FAM171A1: variants seen among roughly 807,000 people sequenced by gnomAD.
FAM171A1 encodes protein FAM171A1.
In FAM171A1, 23 loss-of-function variants were observed where a neutral mutation model predicts 74.9. The observed-to-expected ratio is 0.31, with a 90% CI of 0.22 to 0.44. The LOEUF (loss-of-function observed/expected upper bound fraction) is 0.44, where lower values mean the gene tolerates loss of function less well. Among genes scored for constraint, FAM171A1 ranks in the 20% least tolerant of loss-of-function variants. The pLI, the probability that FAM171A1 is intolerant of heterozygous loss-of-function variation, is 1.00. For synonymous variants in FAM171A1, 527 were observed against 505.7 expected (o/e 1.04, Z -0.57); for missense variants, 1,162 against 1,159.2 (o/e 1.00, Z -0.03).
Position 15,214,457 on chromosome 10 carries a change from C to G in FAM171A1, c.1131G>C (p.Leu377=), listed in dbSNP as rs746927485. The stretch of plus-strand genomic sequence containing the variant: ...CGGGGCGGCCGTGGCTGGTGACGGA[C>G]AGCGGGCCAGGGAATTCTGACGCTC... The part of the protein sequence containing the change: ...SRRASEFPGP[L]SVTSHGRPEA... Residue 377 remains leucine (L), a synonymous_variant, in exon 8 of 8, where the codon CTG becomes CTC. Transcript: ENST00000378116. 1 of 1,614,188 alleles carries G rather than the reference C, an allele frequency of 6.2e-7. No individual in the cohort carries two copies. The highest frequency in any genetic ancestry group is 8.5e-7 in the Non-Finnish European group (1 of 1,180,050).
intron 1 of FAM171A1, among the ~76,000 whole-genome samples, chr10:15,324,896 C>A (rs1317917587): frequency 6.6e-6 from 1 of 152,222 alleles, no homozygotes; most frequent in Non-Finnish European, 1.5e-5. Context: ...CTTCCAATCA[C>A]TGAGTAGAAA....
intron 1 of FAM171A1, among the ~76,000 whole-genome samples, chr10:15,352,938 G>A (rs1390461377): frequency 1.3e-5 from 2 of 152,158 alleles, no homozygotes; most frequent in East Asian, 3.9e-4. Context: ...TGAGGGAGGA[G>A]ACACTTAATT....
chr10:15,236,340 T>C (rs549741003), intron 5 of FAM171A1, among the ~76,000 whole-genome samples: 17 of 150,570 alleles, frequency 1.1e-4, no homozygotes, highest in Admixed American at 4.6e-4. Context: ...GCAGCGATGA[T>C]GATGATAAGA....
At chr10:15,337,530 C>T (rs1035843515) in intron 1 of FAM171A1, among the ~76,000 whole-genome samples, 6 of 151,126 alleles carry the variant, frequency 4.0e-5, no homozygotes, top group African/African-American at 1.5e-4. Context: ...GTGACTCACG[C>T]CTGTAATCCC....
chr10:15,214,904 GCACATGCCAC>G (rs1292039447), intron 7 of FAM171A1, among the ~76,000 whole-genome samples: 1 of 152,076 alleles, frequency 6.6e-6, no homozygotes, highest in Non-Finnish European at 1.5e-5. Context: ...GGCACCGCAG[GCACATGCCAC>G]CATGCCCAGC....
chr10:15,226,454 A>G (rs1196043519), intron 5 of FAM171A1, among the ~76,000 whole-genome samples: 1 of 152,196 alleles, frequency 6.6e-6, no homozygotes, highest in East Asian at 1.9e-4. Flanking sequence ...AAACTAATAC[A>G]TGAAACAGAT....
Position 15,339,786 on chromosome 10 carries a change from C to T in FAM171A1, c.97+31170G>A, listed in dbSNP as rs954837700. Among the ~76,000 whole-genome samples, 5 of 151,996 alleles carry T rather than the reference C, an allele frequency of 3.3e-5. No homozygotes were observed. The South Asian group carries it at 6.2e-4, about 19-fold the overall frequency. The stretch of plus-strand genomic sequence containing the variant: ...TTCACGCTGCTGATAAAGACATACC[C>T]GAGACTGGGTAATTTATAAAGAAAA... On this transcript the variant is annotated intron_variant, in intron 1 of 7. Transcript: ENST00000378116.
intron 1 of FAM171A1, among the ~76,000 whole-genome samples, chr10:15,369,213 AATATATAT>A (rs71505070): frequency 6.9e-6 from 1 of 145,762 alleles, no homozygotes; most frequent in South Asian, 2.2e-4. Flanking sequence ...ATATATATTG[AATATATAT>A]ATATATATAT....
intron 3 of FAM171A1, among the ~76,000 whole-genome samples, chr10:15,270,724 T>G (rs897770234): frequency 6.6e-6 from 1 of 152,160 alleles, no homozygotes; most frequent in African/African-American, 2.4e-5. Context: ...TCTGCAATAT[T>G]TGCTGTTCTG....
rs748297040 is a variant in FAM171A1, at chr10:15,254,714, C to T, written c.577+7G>A. The T allele has an allele frequency of 1.2e-6, 2 of 1,613,216 alleles. No homozygotes were observed. Among genetic ancestry groups the T allele is most frequent in the Non-Finnish European group, 8.5e-7 (1 of 1,179,378 alleles). ...CTCCCACTGAAAAGAGAAAAGACTC[C>T]AATTACCTGTTCCATTTCCGTCTAA... is the stretch of plus-strand genomic sequence containing the variant. On this transcript the variant is annotated splice_region_variant and intron_variant, in intron 4 of 7. Transcript: ENST00000378116.
In FAM171A1 at chr10:15,212,771, C is replaced by T. The variant is rs988324442; in HGVS notation, c.*144G>A. On this transcript the variant is annotated 3_prime_UTR_variant, in exon 8 of 8. Transcript: ENST00000378116. ...AACTTTAATTCCTTTCTAACATTTA[C>T]ACGGCAAACAGGAATGCAGTAAACG... The T allele has an allele frequency of 6.5e-6, 7 of 1,079,952 alleles. No homozygotes were observed. The highest frequency in any genetic ancestry group is 3.2e-5 in the African/African-American group (2 of 63,428). 66.9% of individuals were successfully genotyped at this position (1,079,952 alleles called of 1,614,324 possible).
chr10:15,217,311 G>A (rs370577846), intron 6 of FAM171A1, among the ~76,000 whole-genome samples: 13 of 152,234 alleles, frequency 8.5e-5, no homozygotes, highest in African/African-American at 2.4e-4. Flanking sequence ...TACATGGGTC[G>A]AAATGAACTG....
At chr10:15,287,576 C>T (rs183996600) in intron 1 of FAM171A1, among the ~76,000 whole-genome samples, 65 of 151,986 alleles carry the variant, frequency 4.3e-4, no homozygotes, top group African/African-American at 1.4e-3. Context: ...TTAGTAGAGA[C>T]GGGCTTTCAC....
rs79107952 is a variant in FAM171A1 at position 15,226,787 on chromosome 10, C to G, written c.755-5727G>C. On this transcript the variant is annotated intron_variant, in intron 5 of 7. Coordinates refer to ENST00000378116, the MANE Select transcript of FAM171A1 (RefSeq NM_001010924.2). ...GTTTGCTCTTGCGCTGAATACTCCCCCCTACCCTCATGTTTATTTCCCTTT... is the reference window on the plus strand; with the variant it reads ...GTTTGCTCTTGCGCTGAATACTCCCGCCTACCCTCATGTTTATTTCCCTTT... Among the ~76,000 whole-genome samples, 518 of 152,148 alleles carry G rather than the reference C, an allele frequency of 3.4e-3. 4 individuals are homozygous for G. The highest frequency in any genetic ancestry group is 0.011 in the African/African-American group (448 of 41,490).
intron 1 of FAM171A1, among the ~76,000 whole-genome samples, chr10:15,292,630 G>T (rs1245786656): frequency 2.0e-5 from 3 of 152,028 alleles, no homozygotes; most frequent in Non-Finnish European, 4.4e-5. Flanking sequence ...ACAGGGACAT[G>T]CCACCACCAT....
Position 15,212,979 on chromosome 10 carries a change from TCTC to T in FAM171A1, c.2606_2608del (p.Gly869del). 23 of 1,614,036 alleles carry T rather than the reference TCTC, an allele frequency of 1.4e-5. No individual in the cohort carries two copies. Among genetic ancestry groups the T allele is most frequent in the Non-Finnish European group, 1.9e-5 (23 of 1,180,002 alleles). The stretch of plus-strand genomic sequence containing the variant: ...TTTCTGCCAGGGGCTTTTCTTGTCT[TCTC>T]CTTGGTCATCATCATCATCGTCTTC... On this transcript the variant is annotated inframe_deletion, in exon 8 of 8. Transcript: ENST00000378116.
At chr10:15,323,234 C>T (rs541036152) in intron 1 of FAM171A1, among the ~76,000 whole-genome samples, 2 of 151,806 alleles carry the variant, frequency 1.3e-5, no homozygotes, top group Non-Finnish European at 2.9e-5. Context: ...GCAGGTGGAT[C>T]AGTAGGTCAG....
Position 15,254,873 on chromosome 10 carries a change from C to T in FAM171A1, c.425G>A (p.Arg142Gln), listed in dbSNP as rs962150335. The T allele has an allele frequency of 6.8e-6, 11 of 1,613,482 alleles. No homozygotes were observed. Among genetic ancestry groups the T allele is most frequent in the South Asian group, 4.4e-5 (4 of 91,050 alleles). Residue 142 changes from arginine (R) to glutamine (Q), a missense_variant, in exon 4 of 8, where the codon CGG (arginine) becomes CAG (glutamine). Coordinates refer to ENST00000378116, the MANE Select transcript of FAM171A1 (RefSeq NM_001010924.2). ...CTGGAAATGAACGCGAGGCTGTGGC[C>T]GGGCACCTGCAGAGATTAACCTCCG... is the stretch of plus-strand genomic sequence containing the variant. ...VQIVSGFQGA[R>Q]PQPRVHFQRR...
intron 5 of FAM171A1, among the ~76,000 whole-genome samples, chr10:15,224,848 C>A (rs1467314200): frequency 6.6e-6 from 1 of 152,188 alleles, no homozygotes; most frequent in East Asian, 1.9e-4. Context: ...CAGTCCCCAA[C>A]CCCCTCTTTA....
Sources: allele counts gnomAD v4.1 joint callset (sites outside exome capture counted in the v4.1 genomes callset), GRCh38; gene constraint gnomAD v4.1.1; transcripts MANE v1.5; gene names NCBI Gene and HGNC (gene_info 2026-07-23, HGNC 2026-07-21).